The following TGM2 variants were observed in gnomAD, a reference collection of about 807,000 sequenced individuals.
The protein encoded by TGM2 is protein-glutamine gamma-glutamyltransferase 2.
A neutral mutation model predicts 75.6 loss-of-function variants in TGM2; 53 were observed. The observed-to-expected ratio is 0.70, with a 90% confidence interval of 0.56 to 0.88. The LOEUF is 0.88. Among genes scored for constraint, TGM2 ranks in the 40% least tolerant of loss-of-function variants. The probability of loss-of-function intolerance (pLI) is 0.00; values close to 1 mark genes in which losing one functional copy is unlikely to be tolerated. For synonymous variants in TGM2, 374 were observed against 381.1 expected, an observed-to-expected ratio of 0.98 and a Z score of 0.22; for missense variants, 842 against 928.5, an observed-to-expected ratio of 0.91 and a Z score of 1.21.
chr20:38,165,494 C>CA (rs2075302784), upstream of TGM2: 1 of 529,948 alleles, frequency 1.9e-6, no homozygotes, highest in Non-Finnish European at 3.3e-6. Flanking sequence ...GCCCAGGATA[C>CA]AGACACACCT....
chr20:38,145,715 G>A (rs2075035420), intron 6 of TGM2: 1 of 150,710 alleles, frequency 6.6e-6, no homozygotes, highest in Non-Finnish European at 1.5e-5. Context: ...AAGAAGCAGA[G>A]CTAGGATTTG....
At chr20:38,135,158 T>G (rs2074883422) in intron 10 of TGM2, among the ~76,000 whole-genome samples, 1 of 152,114 alleles carries the variant, frequency 6.6e-6, no homozygotes, top group Non-Finnish European at 1.5e-5. Flanking sequence ...GACTTAGAGG[T>G]GAGGGCTGAC....
At chr20:38,158,928 C>T (rs932469615) in intron 2 of TGM2, among the ~76,000 whole-genome samples, 2 of 152,270 alleles carry the variant, frequency 1.3e-5, no homozygotes, top group East Asian at 1.9e-4. Context: ...CTCCGGGCCC[C>T]GGGAATTTCT....
At position 38,142,272 on chromosome 20, in the gene TGM2, T is replaced by A. The variant is rs774401850; in HGVS notation, c.860-73A>T. On this transcript the variant is annotated intron_variant, in intron 6 of 12. Coordinates refer to ENST00000361475, the MANE Select transcript of TGM2 (RefSeq NM_004613.4). ...CCTGCTCTGGGCCTCCACCTGCCCATCTGCATTCCAGGGAACACTGTACCT... is the reference window on the plus strand; with the variant it reads ...CCTGCTCTGGGCCTCCACCTGCCCAACTGCATTCCAGGGAACACTGTACCT... The A allele has an allele frequency of 2.5e-4, 403 of 1,602,690 alleles. 1 individual carries two copies. The highest frequency in any genetic ancestry group is 6.7e-4 in the Admixed American group (40 of 59,602).
intron 5 of TGM2, 149 bp from the exon 6 acceptor site, chr20:38,147,043 C>T: frequency 1.2e-6 from 1 of 808,510 alleles, no homozygotes; most frequent in Non-Finnish European, 2.0e-6. Context: ...CATCGTGTGA[C>T]AGACTGGTGT....
In TGM2 at chr20:38,130,117, C is replaced by T. The variant is rs964187848; in HGVS notation, c.*102G>A. ...AGCCCCCATAGGCTGCCCACCCTGC[C>T]CTGGGGTCTGGGGCCCAAGAAGGGG... On this transcript the variant is annotated 3_prime_UTR_variant, in exon 13 of 13. Coordinates refer to ENST00000361475, the MANE Select transcript of TGM2 (RefSeq NM_004613.4). 7.5e-5 allele frequency: 115 copies of T among 1,529,016 alleles called. No individual in the cohort carries two copies. In the Admixed American group the frequency reaches 2.1e-3, roughly 28 times the overall value. 94.7% of individuals were successfully genotyped at this position (1,529,016 alleles called of 1,614,324 possible). A position where few individuals can be genotyped will look rare whatever the true frequency, so the allele number is the denominator to read the frequency against.
rs45479494 is a variant in TGM2, at chr20:38,136,298, G to A, written c.1615+1815C>T. On this transcript the variant is annotated intron_variant, in intron 10 of 12. Transcript: ENST00000361475. Reference sequence around the variant, plus strand: ...GGAGGGTGAAAGCTGTGCCCCAGACGCCAGCCCATGGGCACCAAGGGTCCA... The same window carrying A: ...GGAGGGTGAAAGCTGTGCCCCAGACACCAGCCCATGGGCACCAAGGGTCCA... 3.9e-4 allele frequency among the ~76,000 whole-genome samples: 60 copies of A among 152,216 alleles called. 1 individual carries two copies. Among genetic ancestry groups the A allele is most frequent in the African/African-American group, 1.2e-3 (51 of 41,440 alleles).
chr20:38,158,408 C>T (rs527733885), intron 2 of TGM2, among the ~76,000 whole-genome samples: 1 of 152,272 alleles, frequency 6.6e-6, no homozygotes, highest in Admixed American at 6.5e-5. Flanking sequence ...CACTCTGGGC[C>T]CAAATGACCA....
Position 38,141,287 on chromosome 20 carries a change from C to T in TGM2, c.1094G>A (p.Ser365Asn), listed in dbSNP as rs1465288853. The change falls in exon 8 of 13, where the codon AGC becomes AAC. Residue 365 changes from serine (S) to asparagine (N), a missense_variant. By Grantham distance (46) the Ser-to-Asn change is conservative. Transcript: ENST00000361475. ...GACAGTGCCCGCCCACGCACCTTCG[C>T]TCTTCTCCTGGGGCGTTGGGTCCAG... ...QALDPTPQEK[S>N]EGTYCCGPVP... The T allele has an allele frequency of 6.4e-7, 1 of 1,572,710 alleles. No individual in the cohort carries two copies. The highest frequency in any genetic ancestry group is 8.6e-7 in the Non-Finnish European group (1 of 1,158,576).
At chr20:38,158,975 C>T (rs1361977157) in intron 2 of TGM2, among the ~76,000 whole-genome samples, 2 of 152,200 alleles carry the variant, frequency 1.3e-5, no homozygotes, top group Non-Finnish European at 2.9e-5. Flanking sequence ...GCACTCTGTA[C>T]TCAGAGATCT....
At chr20:38,157,292 A>G (rs2075200103) in intron 2 of TGM2, among the ~76,000 whole-genome samples, 1 of 151,276 alleles carries the variant, frequency 6.6e-6, no homozygotes, top group African/African-American at 2.4e-5. Flanking sequence ...AACAGGCATG[A>G]CACAGGCCTC....
intron 3 of TGM2, 33 bp from the exon 4 acceptor site, chr20:38,151,090 G>A (rs1025372086): frequency 1.3e-6 from 2 of 1,541,918 alleles, no homozygotes; most frequent in Non-Finnish European, 1.8e-6. Flanking sequence ...CTCAGCTCTG[G>A]GTCTGCGGAG....
intron 2 of TGM2, among the ~76,000 whole-genome samples, chr20:38,161,087 G>A (rs1460400183): frequency 6.6e-6 from 1 of 152,006 alleles, no homozygotes; most frequent in Non-Finnish European, 1.5e-5. Context: ...TTACAGGTGT[G>A]AGCCACCACG....
intron 6 of TGM2, among the ~76,000 whole-genome samples, chr20:38,142,946 C>G (rs1057065732): frequency 1.3e-5 from 2 of 152,252 alleles, no homozygotes; most frequent in African/African-American, 2.4e-5. Context: ...GGCTGCCTGC[C>G]AGGTTCAGGT....
At chr20:38,136,368 G>A (rs2074900539) in intron 10 of TGM2, among the ~76,000 whole-genome samples, 1 of 152,206 alleles carries the variant, frequency 6.6e-6, no homozygotes, top group African/African-American at 2.4e-5. Context: ...TTGACAGGCA[G>A]GAGTCCGGGG....
At chr20:38,138,769 A>G (rs1568685699) in intron 9 of TGM2, among the ~76,000 whole-genome samples, 2 of 152,208 alleles carry the variant, frequency 1.3e-5, no homozygotes. Context: ...CTTACCTTCA[A>G]GCAATTACAC....
At position 38,134,453 on chromosome 20, in the gene TGM2, G is replaced by A. The variant is rs546726394; in HGVS notation, c.1616-1953C>T. Among the ~76,000 whole-genome samples the A allele has an allele frequency of 3.5e-4, 53 of 152,350 alleles. 1 individual carries two copies. Among genetic ancestry groups the A allele is most frequent in the African/African-American group, 1.2e-3 (49 of 41,580 alleles). ...TATCCTCCGGGGGCTTGGAGGATGT[G>A]GCCCAACTGTCGACTATTCTAGGAG... On this transcript the variant is annotated intron_variant, in intron 10 of 12. Transcript: ENST00000361475.
Position 38,137,998 on chromosome 20 carries a change from G to A in TGM2, c.1615+115C>T, listed in dbSNP as rs2281196. The A allele has an allele frequency of 0.039, 57,758 of 1,481,016 alleles. 8,679 individuals are homozygous for A. In the African/African-American group the frequency reaches 0.47, roughly 12 times the overall value. 91.7% of individuals were successfully genotyped at this position (1,481,016 alleles called of 1,614,324 possible). On this transcript the variant is annotated intron_variant, in intron 10 of 12. Transcript: ENST00000361475. ...TGCTTAGGACAGGGCCTGCCCCAGA[G>A]TCAGCGCCATGTAAGTGTCTGTGGG...
intron 11 of TGM2, among the ~76,000 whole-genome samples, chr20:38,131,990 C>T (rs906146115): frequency 2.0e-5 from 3 of 152,040 alleles, no homozygotes; most frequent in African/African-American, 7.3e-5. Flanking sequence ...GGCAGTGAGA[C>T]TCTAGTCTGT....
Sources: gnomAD v4.1 joint callset for allele counts (sites outside exome capture counted in the v4.1 genomes callset) on GRCh38, gnomAD v4.1.1 for gene constraint, MANE v1.5 for transcripts, NCBI Gene and HGNC (gene_info 2026-07-23, HGNC 2026-07-21) for gene names.